TTN: variants seen among roughly 807,000 people sequenced by gnomAD.
The protein encoded by TTN is titin, also known as connectin.
Under a neutral mutation model 3,223.0 loss-of-function variants are expected in TTN, and 1,525 were observed. The ratio of observed to expected loss-of-function variants is 0.47; its 90% confidence interval spans 0.45 to 0.49. The LOEUF (loss-of-function observed/expected upper bound fraction) is 0.49. Among genes scored for constraint, TTN ranks in the 20% least tolerant of loss-of-function variants. The pLI is 0.00. For missense variants in TTN, 40,786 were observed against 43,424.0 expected (o/e 0.94, Z 5.40); for synonymous variants, 14,094 against 15,161.0 (o/e 0.93, Z 5.17).
chr2:178,805,111 G>C (rs2094253771), intron 1 of TTN, among the ~76,000 whole-genome samples: 1 of 152,090 alleles, frequency 6.6e-6, no homozygotes, highest in African/African-American at 2.4e-5. Context: ...AGGAGGCCGA[G>C]GCGGGAGGAT....
Position 178,775,963 on chromosome 2 carries a change from A to C in TTN, c.5901T>G (p.Pro1967=). The C allele has an allele frequency of 6.2e-7, 1 of 1,614,116 alleles. No homozygotes were observed. Among genetic ancestry groups the C allele is most frequent in the East Asian group, 2.2e-5 (1 of 44,872 alleles). ...LQFEVQKVDR[P]VDTTETKEVV... ...CTTCTTTGGTTTCAGTGGTGTCAAC[A>C]GGTCTATCCACTTTTTGTACTTCAA... Residue 1967 remains proline (P), a synonymous_variant, in exon 28 of 363, where the codon CCT becomes CCG. Transcript: ENST00000589042.
intron 88 of TTN, 55 bp downstream of exon 88, chr2:178,717,040 A>C: frequency 6.5e-7 from 1 of 1,543,510 alleles, no homozygotes; most frequent in Non-Finnish European, 8.8e-7. Context: ...ACCCTCCTAT[A>C]TTTTAAGATA....
At chr2:178,585,772 C>G (rs531012584) in intron 308 of TTN, among the ~76,000 whole-genome samples, 1 of 152,070 alleles carries the variant, frequency 6.6e-6, no homozygotes, top group African/African-American at 2.4e-5. Context: ...ATGAACTCAT[C>G]CTTTTTTATG....
At chr2:178,703,067 A>T (rs973877197) in intron 106 of TTN, among the ~76,000 whole-genome samples, 1 of 152,190 alleles carries the variant, frequency 6.6e-6, no homozygotes, top group Non-Finnish European at 1.5e-5. Flanking sequence ...GCTATTCAGG[A>T]TCTATAATTG....
intron 126 of TTN, among the ~76,000 whole-genome samples, 163 bp from the exon 127 acceptor site, chr2:178,688,387 C>A (rs2071424781): frequency 6.6e-6 from 1 of 152,200 alleles, no homozygotes; most frequent in Non-Finnish European, 1.5e-5. Context: ...AAGATGAGGG[C>A]AAGTACAGCC....
intron 112 of TTN, among the ~76,000 whole-genome samples, chr2:178,697,776 T>C (rs959537410): frequency 6.6e-6 from 1 of 152,192 alleles, no homozygotes; most frequent in South Asian, 2.1e-4. Flanking sequence ...GTTAAAGTGA[T>C]TTGAATTGAT....
chr2:178,758,886 A>G (rs1467849261), intron 44 of TTN, 98 bp downstream of exon 44: 11 of 1,247,966 alleles, frequency 8.8e-6, no homozygotes, highest in African/African-American at 3.0e-5. Context: ...GAATGGTAGG[A>G]ACAACAATGA....
chr2:178,583,929 C>T, intron 311 of TTN, 23 bp from the exon 312 acceptor site: 2 of 1,496,060 alleles, frequency 1.3e-6, no homozygotes, highest in Non-Finnish European at 1.8e-6. Flanking sequence ...GAGGTACACT[C>T]ACCATTTATC....
At position 178,591,584 on chromosome 2, in the gene TTN, T is replaced by C. The variant is rs769891674; in HGVS notation, c.60220+15A>G. On this transcript the variant is annotated intron_variant, in intron 303 of 362. Coordinates refer to ENST00000589042, the MANE Select transcript of TTN (RefSeq NM_001267550.2). ...TTAAAAAGAAATAAGGTAATACTGC[T>C]AGTCCAAAAATTACCTAGTTTTTCT... The C allele has an allele frequency of 1.8e-5, 29 of 1,608,416 alleles. No individual in the cohort carries two copies. The highest frequency in any genetic ancestry group is 1.5e-5 in the Non-Finnish European group (18 of 1,178,494).
rs2073116690 is a variant in TTN, at chr2:178,694,076, A to G, written c.31427-68T>C. The G allele has an allele frequency of 5.8e-6, 7 of 1,211,380 alleles. No homozygotes were observed. The East Asian group carries it at 1.8e-4, about 30-fold the overall frequency. The allele number at this position is 1,211,380 out of a possible 1,614,324, so 75.0% of individuals were successfully genotyped here. A position where few individuals can be genotyped will look rare whatever the true frequency, so the allele number is the denominator to read the frequency against. On this transcript the variant is annotated intron_variant, in intron 117 of 362. Transcript: ENST00000589042. ...ACAAGACATCAGATCAAACACATGG[A>G]TTTTATACTCAAGTATTTAGACACA...
Position 178,576,919 on chromosome 2 carries a change from A to C in TTN, c.69412+4T>G, listed in dbSNP as rs761388922. The C allele has an allele frequency of 3.7e-6, 6 of 1,609,664 alleles. No individual in the cohort carries two copies. The African/African-American group carries it at 8.0e-5, about 22-fold the overall frequency. On this transcript the variant is annotated splice_donor_region_variant and intron_variant, in intron 324 of 362. Transcript: ENST00000589042. The surrounding 1 kb of genome is among the most constrained non-coding windows in gnomAD (Gnocchi z 4.3). ...ATGTCAATTCCCTCACATGCTCTAC[A>C]TACCAAATCTGTCTACCATTTTGAC...
At position 178,718,395 on chromosome 2, in the gene TTN, ATCC is replaced by A. The variant is rs771555243; in HGVS notation, c.24708_24710del (p.Glu8236del). ...CTATCAGGCAGCTGTACTGTGCATA[ATCC>A]TCTATTGTGCTCTCAAGAATTTCCA... On this transcript the variant is annotated inframe_deletion, in exon 85 of 363. Transcript: ENST00000589042. The A allele has an allele frequency of 2.0e-5, 32 of 1,613,802 alleles. No homozygotes were observed. The highest frequency in any genetic ancestry group is 2.7e-5 in the Non-Finnish European group (32 of 1,179,750).
At position 178,750,855 on chromosome 2, in the gene TTN, C is replaced by G; in HGVS notation, c.11311+2269G>C. 2.5e-6 allele frequency: 4 copies of G among 1,613,070 alleles called. No homozygotes were observed. The African/African-American group carries it at 5.3e-5, about 22-fold the overall frequency. On this transcript the variant is annotated intron_variant, in intron 47 of 362. Coordinates refer to ENST00000589042, the MANE Select transcript of TTN (RefSeq NM_001267550.2). ...TTAGTGATATATGTGGATGACTCTCCAATTGTAGTATTGGCCATAATTTCT... is the reference window on the plus strand; with the variant it reads ...TTAGTGATATATGTGGATGACTCTCGAATTGTAGTATTGGCCATAATTTCT...
In TTN at chr2:178,713,076, T is replaced by C; in HGVS notation, c.27049+9A>G. ...AAATGCAATTCATTTTACTGTTTTGTAAACTGACCTCTCACAGTCAAAGGA... is the reference window on the plus strand; with the variant it reads ...AAATGCAATTCATTTTACTGTTTTGCAAACTGACCTCTCACAGTCAAAGGA... On this transcript the variant is annotated intron_variant, in intron 93 of 362. Coordinates refer to ENST00000589042, the MANE Select transcript of TTN (RefSeq NM_001267550.2). The C allele has an allele frequency of 6.2e-7, 1 of 1,610,960 alleles. No individual in the cohort carries two copies. Among genetic ancestry groups the C allele is most frequent in the Non-Finnish European group, 8.5e-7 (1 of 1,177,650 alleles).
rs571414483 is a variant in TTN at position 178,664,110 on chromosome 2, T to C, written c.36281-12A>G. 6.7e-5 allele frequency: 108 copies of C among 1,600,910 alleles called. 1 individual carries two copies. The South Asian group carries it at 1.0e-3, about 15-fold the overall frequency. ...GGGAGCTTCGTGCACTTGAAAGATA[T>C]TAGTATTTTTACACTCAGAAAATAC... On this transcript the variant is annotated splice_polypyrimidine_tract_variant and intron_variant, in intron 168 of 362. Coordinates refer to ENST00000589042, the MANE Select transcript of TTN (RefSeq NM_001267550.2).
At chr2:178,729,242 G>A (rs372804204) in intron 64 of TTN, 46 bp downstream of exon 64, 17 of 1,555,140 alleles carry the variant, frequency 1.1e-5, no homozygotes, top group Non-Finnish European at 1.4e-5. Flanking sequence ...AGATTTAAAA[G>A]CGTTACAGAA....
At position 178,739,968 on chromosome 2, in the gene TTN, A is replaced by G; in HGVS notation, c.13265T>C (p.Ile4422Thr). ...TACAGCCTCGACCTCCACCTTTTCA[A>G]TATTTCTTAGCCACTCAGAGAAAAG... ...PGLFSEWLRN[I>T]EKVEVEAVNI... Residue 4422 changes from isoleucine to threonine, a missense_variant, in exon 48 of 363, where the codon ATT becomes ACT. By Grantham distance (89) the Ile-to-Thr change is moderately conservative. Transcript: ENST00000589042. 1.9e-6 allele frequency: 3 copies of G among 1,613,806 alleles called. No homozygotes were observed. The South Asian group carries it at 3.3e-5, about 18-fold the overall frequency.
chr2:178,604,871 G>A lies in TTN; in HGVS notation c.54218C>T (p.Ala18073Val). Residue 18073 changes from alanine (A) to valine (V), a missense_variant, in exon 281 of 363, where the codon GCT (alanine) becomes GTT (valine). Physicochemically the swap from Ala to Val is moderately conservative, Grantham distance 64 (BLOSUM62 0). Transcript: ENST00000589042. Reference sequence around the variant, plus strand: ...AGATTCAGCTTTAATGTCAGTAACAGCAAGATTTCTTGGTGGGGATGGGCG... The same window carrying A: ...AGATTCAGCTTTAATGTCAGTAACAACAAGATTTCTTGGTGGGGATGGGCG... ...YDRPSPPRNLAVTDIKAESCY... is the reference protein window; with the variant it reads ...YDRPSPPRNLVVTDIKAESCY... 6.2e-7 allele frequency: 1 copy of A among 1,611,984 alleles called. No homozygotes were observed. The highest frequency in any genetic ancestry group is 8.5e-7 in the Non-Finnish European group (1 of 1,178,924).
rs536270719 is a variant in TTN at position 178,540,875 on chromosome 2, ACTTTC to A, written c.97795+402_97795+406del. Among the ~76,000 whole-genome samples, 457 of 152,298 alleles carry A rather than the reference ACTTTC, an allele frequency of 3.0e-3. 2 individuals are homozygous for A. Among genetic ancestry groups the A allele is most frequent in the African/African-American group, 0.01 (436 of 41,572 alleles). ...AGCTAAAAATACTTAACATTTTTTC[ACTTTC>A]CTTTCTCTTAAATGTGCTTCATTTG... On this transcript the variant is annotated intron_variant, in intron 350 of 362. Coordinates refer to ENST00000589042, the MANE Select transcript of TTN (RefSeq NM_001267550.2).
Sources: allele counts gnomAD v4.1 joint callset (sites outside exome capture counted in the v4.1 genomes callset), GRCh38; gene constraint gnomAD v4.1.1; non-coding constraint Gnocchi (gnomAD v3.1); transcripts MANE v1.5; gene names NCBI Gene and HGNC (gene_info 2026-07-23, HGNC 2026-07-21).